The following ZNF711 variants were observed in gnomAD, a reference collection of about 807,000 sequenced individuals.
ZNF711 encodes ZFX family zinc finger ZNF711, also known as zinc finger protein 711.
A neutral mutation model predicts 43.5 loss-of-function variants in ZNF711; 3 were observed. The ratio of observed to expected loss-of-function variants is 0.07; its 90% confidence interval spans 0.03 to 0.18. The LOEUF (loss-of-function observed/expected upper bound fraction) is 0.18. ZNF711 is among the 10% of genes least tolerant of loss of function. The pLI is 1.00. For missense variants in ZNF711, 412 were observed against 604.0 expected (o/e 0.68, Z 3.33); for synonymous variants, 209 against 207.7 (o/e 1.01, Z -0.06).
At chrX:85,246,513 G>A (rs1438672947) in intron 2 of ZNF711, among the ~76,000 whole-genome samples, 1 of 111,828 alleles carries the variant, frequency 8.9e-6, no homozygotes, top group Middle Eastern at 4.7e-3. Context: ...GTTGTATTAC[G>A]TGTCACCTTT....
intron 4 of ZNF711, among the ~76,000 whole-genome samples, chrX:85,254,814 A>AG (rs58318641): frequency 0.02 from 2,145 of 106,589 alleles, 81 homozygotes; most frequent in African/African-American, 0.071. Context: ...AAAAAAAAAA[A>AG]AAAAAGAAAA....
chrX:85,258,326 G>A (rs949640884), intron 5 of ZNF711, among the ~76,000 whole-genome samples: 1 of 110,824 alleles, frequency 9.0e-6, no homozygotes, highest in Non-Finnish European at 1.9e-5. Flanking sequence ...GCTAAGCTAT[G>A]AGGATGCAAA....
At chrX:85,266,937 A>G (rs1223610721) in intron 7 of ZNF711, among the ~76,000 whole-genome samples, 2 of 107,682 alleles carry the variant, frequency 1.9e-5, no homozygotes, top group Non-Finnish European at 3.8e-5. Context: ...TTCTATGAGA[A>G]ATATTTTCTG....
chrX:85,253,764 G>GACACACAC lies in ZNF711; in HGVS notation c.80-1465_80-1458dup, dbSNP rs756155292. ...TATATGCTATCCCTGTGTGTTCACA[G>GACACACAC]ACACACACACACACACACACACACA... On this transcript the variant is annotated intron_variant, in intron 4 of 10. Transcript: ENST00000674551. Among the ~76,000 whole-genome samples, 895 of 90,520 alleles carry GACACACAC rather than the reference G, an allele frequency of 9.9e-3. 6 individuals carry two copies. The highest frequency in any genetic ancestry group is 0.014 in the Non-Finnish European group (614 of 43,626). The allele number at this position is 90,520 out of a possible 115,157, so 78.6% of individuals were successfully genotyped here.
chrX:85,253,764 GACACACACAC>G (rs756155292), intron 4 of ZNF711, among the ~76,000 whole-genome samples: 62 of 90,537 alleles, frequency 6.8e-4, no homozygotes, highest in Middle Eastern at 0.012. Flanking sequence ...TGTGTTCACA[GACACACACAC>G]ACACACACAC....
intron 4 of ZNF711, 83 bp from the exon 5 acceptor site, chrX:85,255,176 T>C: frequency 1.1e-6 from 1 of 875,076 alleles, no homozygotes; most frequent in Non-Finnish European, 1.6e-6. Flanking sequence ...TTAAGAAATA[T>C]TTATAGCATT....
At chrX:85,252,902 C>T (rs1216348775) in intron 4 of ZNF711, among the ~76,000 whole-genome samples, 1 of 111,626 alleles carries the variant, frequency 9.0e-6, no homozygotes, top group Admixed American at 9.5e-5. Flanking sequence ...CCATTGGTCT[C>T]CATCCTAACT....
At chrX:85,264,948 G>T (rs1930972491) in intron 6 of ZNF711, among the ~76,000 whole-genome samples, 170 bp from the exon 7 acceptor site, 1 of 111,311 alleles carries the variant, frequency 9.0e-6, no homozygotes, top group Admixed American at 9.6e-5. Context: ...TCATTTCTCA[G>T]TGATAGCTGA....
chrX:85,259,268 G>T (rs901250260), intron 5 of ZNF711, among the ~76,000 whole-genome samples: 7 of 111,396 alleles, frequency 6.3e-5, no homozygotes, highest in African/African-American at 2.3e-4. Flanking sequence ...CTATGTGTTT[G>T]TTTTTGTACT....
intron 5 of ZNF711, among the ~76,000 whole-genome samples, chrX:85,262,912 A>G (rs919610110): frequency 4.5e-5 from 5 of 110,891 alleles, no homozygotes; most frequent in African/African-American, 1.3e-4. Context: ...ACTTTGACCC[A>G]TTTAGATCTT....
chrX:85,265,046 A>G (rs755791780), intron 6 of ZNF711, 72 bp from the exon 7 acceptor site: 5 of 934,751 alleles, frequency 5.3e-6, no homozygotes, highest in South Asian at 2.2e-5. Flanking sequence ...ATATTTCTAT[A>G]TATTCTTCTT....
chrX:85,245,318 G>C (rs1928941160), intron 1 of ZNF711, among the ~76,000 whole-genome samples: 1 of 112,061 alleles, frequency 8.9e-6, no homozygotes, highest in African/African-American at 3.3e-5. Context: ...CGTACTTGGT[G>C]GGTTATCTCC....
chrX:85,245,398 A>G (rs1182373320), intron 1 of ZNF711, among the ~76,000 whole-genome samples: 1 of 112,545 alleles, frequency 8.9e-6, no homozygotes, highest in Admixed American at 9.4e-5. Context: ...GTTATTAAAT[A>G]CTTAACACAC....
chrX:85,253,813 C>T (rs1406400819), intron 4 of ZNF711, among the ~76,000 whole-genome samples: 1 of 109,257 alleles, frequency 9.2e-6, no homozygotes, highest in Non-Finnish European at 1.9e-5. Flanking sequence ...ACACCCTTGG[C>T]AACCAATAAT....
In ZNF711 at chrX:85,247,566, G is replaced by A; in HGVS notation, c.-7G>A. 8.3e-7 allele frequency: 1 copy of A among 1,202,483 alleles called. No homozygotes were observed. Among genetic ancestry groups the A allele is most frequent in the Non-Finnish European group, 1.1e-6 (1 of 889,014 alleles). On this transcript the variant is annotated 5_prime_UTR_variant, in exon 4 of 11. Coordinates refer to ENST00000674551, the MANE Select transcript of ZNF711 (RefSeq NM_001330574.2). ...TTGCAGATATTGGTGAATGAACTTT[G>A]CTAAGTATGGATTCAGGCGGTGGAA...
At chrX:85,267,217 A>G in intron 7 of ZNF711, 61 bp from the exon 8 acceptor site, 1 of 905,127 alleles carries the variant, frequency 1.1e-6, no homozygotes, top group Non-Finnish European at 1.4e-6. Flanking sequence ...CATTGTTTGG[A>G]ATTTTTACCC....
chrX:85,247,728 A>G lies in ZNF711; in HGVS notation c.79+77A>G, dbSNP rs759417227. On this transcript the variant is annotated intron_variant, in intron 4 of 10. Coordinates refer to ENST00000674551, the MANE Select transcript of ZNF711 (RefSeq NM_001330574.2). Reference sequence around the variant, plus strand: ...ATAAAAATCAAAAATAAGTTGAGGAAGGGGAGAATTACAATGAAAACTTGT... The same window carrying G: ...ATAAAAATCAAAAATAAGTTGAGGAGGGGGAGAATTACAATGAAAACTTGT... 3.8e-6 allele frequency: 3 copies of G among 797,556 alleles called. No individual in the cohort carries two copies. In the East Asian group the frequency reaches 9.5e-5, roughly 25 times the overall value. The allele number at this position is 797,556 out of a possible 1,213,427, so 65.7% of individuals were successfully genotyped here.
At chrX:85,256,349 T>G (rs1458079087) in intron 5 of ZNF711, among the ~76,000 whole-genome samples, 2 of 112,289 alleles carry the variant, frequency 1.8e-5, no homozygotes, top group Non-Finnish European at 3.8e-5. Context: ...AACATGTTTA[T>G]TTTAGACTGC....
chrX:85,271,545 C>A lies in ZNF711; in HGVS notation c.2141C>A (p.Ser714Ter). ...TTTATTCTTAGTGGCCATATCCTTT[C>A]AGTTCATACTAAAGATCAGCCATTG... ...DPFILSGHIL[S>*]VHTKDQPLKC... The change falls in exon 11 of 11, where the codon TCA becomes TAA. Residue 714 changes from serine (S) to a stop codon, truncating the protein, a stop_gained. Transcript: ENST00000674551. LOFTEE classifies it high-confidence loss of function. 1 of 1,211,162 alleles carries A rather than the reference C, an allele frequency of 8.3e-7. No individual in the cohort carries two copies. The highest frequency in any genetic ancestry group is 1.1e-6 in the Non-Finnish European group (1 of 895,202).
Sources: gnomAD v4.1 joint callset for allele counts (sites outside exome capture counted in the v4.1 genomes callset) on GRCh38, gnomAD v4.1.1 for gene constraint, MANE v1.5 for transcripts, NCBI Gene and HGNC (gene_info 2026-07-23, HGNC 2026-07-21) for gene names.